PIGA: variants seen among roughly 807,000 people sequenced by gnomAD.
The protein encoded by PIGA is phosphatidylinositol N-acetylglucosaminyltransferase subunit A.
A neutral mutation model predicts 17.1 loss-of-function variants in PIGA; 3 were observed. The observed-to-expected ratio is 0.18, with a 90% CI of 0.08 to 0.45. PIGA has a LOEUF of 0.45. PIGA is among the 20% of genes least tolerant of loss of function. The pLI, the probability that PIGA is intolerant of heterozygous loss-of-function variation, is 0.99. For synonymous variants in PIGA, 126 were observed against 135.1 expected, an observed-to-expected ratio of 0.93 and a Z score of 0.47; for missense variants, 231 against 374.1, an observed-to-expected ratio of 0.62 and a Z score of 3.16.
chrX:15,333,624 T>C (rs1339028525), intron 1 of PIGA, among the ~76,000 whole-genome samples: 1 of 112,239 alleles, frequency 8.9e-6, no homozygotes, highest in Non-Finnish European at 1.9e-5. Context: ...GAAGTTGCAG[T>C]GAGCCGAGAT....
chrX:15,332,695 TGTG>T (rs769625692), intron 1 of PIGA, among the ~76,000 whole-genome samples: 5 of 111,954 alleles, frequency 4.5e-5, no homozygotes, highest in African/African-American at 6.5e-5. Context: ...CTAAAAAAGG[TGTG>T]GTGATTTCCA....
At chrX:15,326,781 CT>C (rs1921983482) in intron 2 of PIGA, among the ~76,000 whole-genome samples, 1 of 111,760 alleles carries the variant, frequency 8.9e-6, no homozygotes, top group Admixed American at 9.5e-5. Context: ...ATCTTGGCTC[CT>C]TTTTTCTCCA....
At chrX:15,333,824 G>C (rs951871733) in intron 1 of PIGA, among the ~76,000 whole-genome samples, 2 of 112,151 alleles carry the variant, frequency 1.8e-5, no homozygotes, top group Non-Finnish European at 3.8e-5. Flanking sequence ...CCTTCAGTGC[G>C]GTGTCTAAAG....
intron 2 of PIGA, among the ~76,000 whole-genome samples, chrX:15,327,457 T>C (rs987224172): frequency 1.8e-5 from 2 of 111,429 alleles, no homozygotes; most frequent in African/African-American, 6.5e-5. Flanking sequence ...TATTATAGGG[T>C]CATTTTTATT....
rs749080220 is a variant in PIGA, at chrX:15,321,642, A to G, written c.1319T>C (p.Ile440Thr). The G allele has an allele frequency of 4.3e-5, 52 of 1,209,607 alleles. No homozygotes were observed. The highest frequency in any genetic ancestry group is 5.5e-5 in the Non-Finnish European group (49 of 894,695). ...LLAVFNFLFLIFLRWMTPDSI... is the reference protein window; with the variant it reads ...LLAVFNFLFLTFLRWMTPDSI... Reference sequence around the variant, plus strand: ...ATCTGGAGTCATCCATCTCAAGAAAATGAGGAAGAGGAAGTTGAAAACTGC... The same window carrying G: ...ATCTGGAGTCATCCATCTCAAGAAAGTGAGGAAGAGGAAGTTGAAAACTGC... The change falls in exon 6 of 6, where the codon ATT becomes ACT. Residue 440 changes from isoleucine (I) to threonine (T), a missense_variant. Ile to Thr is a moderately conservative substitution (Grantham distance 89, BLOSUM62 -1). Coordinates refer to ENST00000333590, the MANE Select transcript of PIGA (RefSeq NM_002641.4).
At chrX:15,331,013 T>C (rs1602211798) in intron 2 of PIGA, 1 of 374,297 alleles carries the variant, frequency 2.7e-6, no homozygotes, top group East Asian at 4.2e-5. Context: ...ACATCAAAGG[T>C]TGGGGGACAG....
intron 3 of PIGA, 58 bp downstream of exon 3, chrX:15,325,856 A>G (rs1921955829): frequency 9.6e-7 from 1 of 1,044,412 alleles, no homozygotes; most frequent in Non-Finnish European, 1.3e-6. Flanking sequence ...ATGCAGTTAA[A>G]ACCAAATAGA....
In PIGA at chrX:15,331,992, C is replaced by T; in HGVS notation, c.-62G>A. 2 of 1,110,767 alleles carry T rather than the reference C, an allele frequency of 1.8e-6. No individual in the cohort carries two copies. Among genetic ancestry groups the T allele is most frequent in the African/African-American group, 1.8e-5 (1 of 54,721 alleles). 91.5% of individuals were successfully genotyped at this position (1,110,767 alleles called of 1,213,427 possible). ...CAGTTAAGAGATGTGTCCTCTATTA[C>T]CTGAAAAAGAGTAAAACAGGATCTC... On this transcript the variant is annotated splice_region_variant and 5_prime_UTR_variant, in exon 2 of 6. Transcript: ENST00000333590.
intron 1 of PIGA, among the ~76,000 whole-genome samples, chrX:15,334,272 CCT>C (rs976895364): frequency 6.7e-5 from 7 of 105,088 alleles, no homozygotes; most frequent in Non-Finnish European, 1.2e-4. Flanking sequence ...CTCACTGCAG[CCT>C]CTGCCTCCCG....
At chrX:15,332,075 G>T in intron 1 of PIGA, 83 bp from the exon 2 acceptor site, 1 of 621,850 alleles carries the variant, frequency 1.6e-6, no homozygotes, top group Non-Finnish European at 2.2e-6. Flanking sequence ...TTGTTTTAAT[G>T]TTAATGTAAA....
At chrX:15,330,720 A>G (rs1178677667) in intron 2 of PIGA, among the ~76,000 whole-genome samples, 1 of 110,850 alleles carries the variant, frequency 9.0e-6, no homozygotes, top group Non-Finnish European at 1.9e-5. Flanking sequence ...CTCCTGCCTC[A>G]GCCTCCGGAG....
At chrX:15,330,837 C>T (rs779117183) in intron 2 of PIGA, 2 of 122,631 alleles carry the variant, frequency 1.6e-5, no homozygotes, top group African/African-American at 6.5e-5. Context: ...CTCCTGACCC[C>T]GTGATCTGCC....
At chrX:15,324,540 G>A in intron 5 of PIGA, 125 bp downstream of exon 5, 1 of 532,601 alleles carries the variant, frequency 1.9e-6, no homozygotes, top group Non-Finnish European at 3.2e-6. Flanking sequence ...TTTTCACCTG[G>A]AAGAGATTTC....
rs1921737476 is a variant in PIGA at position 15,319,653 on chromosome X, C to T, written c.*1853G>A. 1 of 111,413 alleles carries T rather than the reference C, an allele frequency of 9.0e-6. No homozygotes were observed. 9.2% of individuals were successfully genotyped at this position (111,413 alleles called of 1,213,427 possible). Reference sequence around the variant, plus strand: ...GTTTCCATATACCGACCAGTGCAAACTGACAGTTACAATTAAGGTATCCAG... The same window carrying T: ...GTTTCCATATACCGACCAGTGCAAATTGACAGTTACAATTAAGGTATCCAG... On this transcript the variant is annotated 3_prime_UTR_variant, in exon 6 of 6. Coordinates refer to ENST00000333590, the MANE Select transcript of PIGA (RefSeq NM_002641.4).
chrX:15,334,644 C>A (rs762551936), intron 1 of PIGA, among the ~76,000 whole-genome samples: 20 of 111,861 alleles, frequency 1.8e-4, no homozygotes, highest in Non-Finnish European at 3.2e-4. Flanking sequence ...TCACCTAAAC[C>A]CGAACTTCCA....
chrX:15,333,023 G>A (rs972313854), intron 1 of PIGA, among the ~76,000 whole-genome samples: 2 of 111,886 alleles, frequency 1.8e-5, no homozygotes, highest in African/African-American at 6.5e-5. Context: ...AACTAAAACA[G>A]GCCAGGATCC....
At chrX:15,332,813 G>A (rs1922207515) in intron 1 of PIGA, among the ~76,000 whole-genome samples, 1 of 111,591 alleles carries the variant, frequency 9.0e-6, no homozygotes, top group African/African-American at 3.3e-5. Flanking sequence ...TATGGAGAAG[G>A]AAGAGCTCTG....
chrX:15,335,369 G>A (rs1167602109), intron 1 of PIGA, 132 bp downstream of exon 1: 11 of 575,513 alleles, frequency 1.9e-5, no homozygotes, highest in Non-Finnish European at 2.4e-5. Context: ...GAGACCCTCC[G>A]ACCCAACTTC....
rs1922153058 is a variant in PIGA at position 15,331,472 on chromosome X, G to A, written c.459C>T (p.Asp153=). 8.3e-7 allele frequency: 1 copy of A among 1,210,633 alleles called. No homozygotes were observed. The highest frequency in any genetic ancestry group is 1.7e-5 in the African/African-American group (1 of 57,324). Residue 153 remains aspartate, a synonymous_variant, in exon 2 of 6, where the codon GAC becomes GAT. Transcript: ENST00000333590. Reference sequence around the variant, plus strand: ...CATCAGCAAATCCAAAAAGGGAATGGTCCGTGAAGACTGTCTGAAGCCCCA... The same window carrying A: ...CATCAGCAAATCCAAAAAGGGAATGATCCGTGAAGACTGTCTGAAGCCCCA... ...KTMGLQTVFT[D]HSLFGFADVS... is the part of the protein sequence containing the mutation.
Sources: gnomAD v4.1 joint callset for allele counts (sites outside exome capture counted in the v4.1 genomes callset) on GRCh38, gnomAD v4.1.1 for gene constraint, MANE v1.5 for transcripts, NCBI Gene and HGNC (gene_info 2026-07-23, HGNC 2026-07-21) for gene names.